ABCA13: variants seen among roughly 807,000 people sequenced by gnomAD.
ABCA13 encodes the protein ATP-binding cassette sub-family A member 13.
ABCA13 carries 476 observed loss-of-function variants against 478.7 expected under a neutral mutation model. That is an observed-to-expected ratio of 0.99 (90% CI 0.92 to 1.07). The LOEUF is 1.07. Among genes scored for constraint, ABCA13 ranks in the 50% least tolerant of loss-of-function variants. The pLI, the probability that ABCA13 is intolerant of heterozygous loss-of-function variation, is 0.00. For synonymous variants in ABCA13, 2,252 were observed against 2,158.9 expected (o/e 1.04, Z -1.20); for missense variants, 6,060 against 5,910.6 (o/e 1.03, Z -0.83).
Position 48,272,592 on chromosome 7 carries a change from T to C in ABCA13, c.2926T>C (p.Leu976=). Residue 976 remains leucine, a synonymous_variant, in exon 17 of 62, where the codon TTG becomes CTG. Transcript: ENST00000435803. ...ATTTTACCGATATATTTATGAATTA[T>C]TGAATATTCAGAGTAGAGGCTCTTC... is the stretch of plus-strand genomic sequence containing the variant. The part of the protein sequence containing the change: ...SSFYRYIYEL[L]NIQSRGSSLT... The C allele has an allele frequency of 6.2e-7, 1 of 1,613,538 alleles. No individual in the cohort carries two copies.
chr7:48,626,701 C>T (rs1427349323), intron 59 of ABCA13: 5 of 985,342 alleles, frequency 5.1e-6, no homozygotes, highest in East Asian at 2.3e-4. Context: ...TAGAACTTTA[C>T]AGCCGGCTGA....
rs925024235 is a variant in ABCA13 at position 48,520,237 on chromosome 7, G to T, written c.13994G>T (p.Gly4665Val). 1.2e-6 allele frequency: 2 copies of T among 1,613,396 alleles called. No homozygotes were observed. Among genetic ancestry groups the T allele is most frequent in the Admixed American group, 1.7e-5 (1 of 59,966 alleles). Residue 4665 changes from glycine to valine, a missense_variant, in exon 53 of 62, where the codon GGC becomes GTC. Physicochemically the swap from Gly to Val is moderately radical, Grantham distance 109. Coordinates refer to ENST00000435803, the MANE Select transcript of ABCA13 (RefSeq NM_152701.5). ...ATCTTCGTGCAACTGGCCTCGCAGG[G>T]CACAGTACTTCTCCTCTTGAGGGTT... ...GWIFVQLASQ[G>V]TVLLLLRVLL...
chr7:48,172,158 G>A (rs1794166799), intron 1 of ABCA13, among the ~76,000 whole-genome samples: 1 of 152,178 alleles, frequency 6.6e-6, no homozygotes. Flanking sequence ...GTACGTTTTT[G>A]TGAAATAGAA....
chr7:48,580,212 TTC>T lies in ABCA13; in HGVS notation c.14355-6_14355-5del, dbSNP rs1167049725. 2 of 1,600,384 alleles carry T rather than the reference TTC, an allele frequency of 1.2e-6. No homozygotes were observed. Among genetic ancestry groups the T allele is most frequent in the East Asian group, 4.5e-5 (2 of 44,614 alleles). ...AACTGCTGTTCTCAGCCTGTGCTGCTTCTCTCTGCAGAGACGCCGTGGACCTG... is the reference window on the plus strand; with the variant it reads ...AACTGCTGTTCTCAGCCTGTGCTGCTTCTCTGCAGAGACGCCGTGGACCTG... On this transcript the variant is annotated splice_polypyrimidine_tract_variant and intron_variant, in intron 55 of 61. Transcript: ENST00000435803.
intron 13 of ABCA13, 54 bp downstream of exon 13, chr7:48,246,084 C>A: frequency 6.5e-7 from 1 of 1,548,396 alleles, no homozygotes; most frequent in South Asian, 1.2e-5. Flanking sequence ...AGATTAAATT[C>A]ACCAAAGATG....
intron 58 of ABCA13, among the ~76,000 whole-genome samples, chr7:48,602,997 A>G (rs1791072799): frequency 6.6e-6 from 1 of 152,070 alleles, no homozygotes; most frequent in Non-Finnish European, 1.5e-5. Flanking sequence ...AGCAATTGTG[A>G]ATGGGAGTTC....
intron 20 of ABCA13, among the ~76,000 whole-genome samples, chr7:48,290,487 C>A (rs1002099010): frequency 2.6e-5 from 4 of 152,196 alleles, no homozygotes; most frequent in African/African-American, 9.7e-5. Context: ...CTCTGCTTAC[C>A]TGGAGCCTGG....
chr7:48,324,398 C>T (rs1465188494), intron 27 of ABCA13, among the ~76,000 whole-genome samples: 1 of 152,158 alleles, frequency 6.6e-6, no homozygotes, highest in African/African-American at 2.4e-5. Context: ...CTTTAAAGAC[C>T]TATTTCCAAA....
At chr7:48,560,226 G>A (rs1279912446) in intron 55 of ABCA13, among the ~76,000 whole-genome samples, 1 of 152,118 alleles carries the variant, frequency 6.6e-6, no homozygotes, top group Non-Finnish European at 1.5e-5. Context: ...TCCAGCTAGG[G>A]CTGGTCCAAA....
In ABCA13 at chr7:48,361,311, C is replaced by A. The variant is rs569873132; in HGVS notation, c.10689-6483C>A. On this transcript the variant is annotated intron_variant, in intron 31 of 61. Coordinates refer to ENST00000435803, the MANE Select transcript of ABCA13 (RefSeq NM_152701.5). Reference sequence around the variant, plus strand: ...GATCCTAGAAGAGAGAAATTAAAGTCAAAAAATGAAACAATTTTCTTCTCT... The same window carrying A: ...GATCCTAGAAGAGAGAAATTAAAGTAAAAAAATGAAACAATTTTCTTCTCT... 3.3e-5 allele frequency among the ~76,000 whole-genome samples: 5 copies of A among 151,584 alleles called. No homozygotes were observed. In the South Asian group the frequency reaches 1.0e-3, roughly 32 times the overall value.
chr7:48,376,654 AC>A, intron 35 of ABCA13, 82 bp downstream of exon 35: 3 of 1,395,154 alleles, frequency 2.2e-6, no homozygotes, highest in Non-Finnish European at 3.0e-6. Flanking sequence ...TAGAATAATC[AC>A]TTATTCTTTA....
chr7:48,418,185 T>A (rs1267736811), intron 41 of ABCA13, among the ~76,000 whole-genome samples: 2 of 152,244 alleles, frequency 1.3e-5, no homozygotes, highest in Non-Finnish European at 2.9e-5. Context: ...GTTTTCAACT[T>A]ACTTGGGTAA....
chr7:48,481,213 G>C, intron 46 of ABCA13, 59 bp downstream of exon 46: 1 of 1,342,264 alleles, frequency 7.5e-7, no homozygotes, highest in South Asian at 1.3e-5. Flanking sequence ...AAAACTTATT[G>C]TTTTAAATGC....
At chr7:48,231,843 G>T (rs1443261838) in intron 7 of ABCA13, among the ~76,000 whole-genome samples, 2 of 152,044 alleles carry the variant, frequency 1.3e-5, no homozygotes, top group East Asian at 3.9e-4. Context: ...TGTATTTTTA[G>T]TAGAGACATG....
chr7:48,629,722 G>A (rs1038221890), intron 59 of ABCA13, among the ~76,000 whole-genome samples: 39 of 152,218 alleles, frequency 2.6e-4, no homozygotes, highest in Admixed American at 1.6e-3. Flanking sequence ...CCTGGGATTG[G>A]TGTCTGGAAT....
chr7:48,571,148 A>G (rs532791849), intron 55 of ABCA13, among the ~76,000 whole-genome samples: 1 of 152,292 alleles, frequency 6.6e-6, no homozygotes, highest in Non-Finnish European at 1.5e-5. Context: ...TTGTGTGCTC[A>G]TCAGCATTGA....
intron 53 of ABCA13, among the ~76,000 whole-genome samples, chr7:48,521,432 A>G (rs958588888): frequency 2.0e-5 from 3 of 152,220 alleles, no homozygotes; most frequent in Non-Finnish European, 4.4e-5. Flanking sequence ...ATTTTGTTAC[A>G]TAACCCCTTT....
chr7:48,388,389 A>T (rs2129052091), intron 36 of ABCA13, among the ~76,000 whole-genome samples: 1 of 152,316 alleles, frequency 6.6e-6, no homozygotes, highest in East Asian at 1.9e-4. Context: ...TGTGAGGGAG[A>T]ATATCACTGT....
At chr7:48,286,223 T>G (rs1473439771) in intron 19 of ABCA13, among the ~76,000 whole-genome samples, 1 of 152,146 alleles carries the variant, frequency 6.6e-6, no homozygotes, top group Non-Finnish European at 1.5e-5. Context: ...TCACTCTTGG[T>G]GTTGTCATTC....
Sources: gnomAD v4.1 joint callset for allele counts (sites outside exome capture counted in the v4.1 genomes callset) on GRCh38, gnomAD v4.1.1 for gene constraint, MANE v1.5 for transcripts, NCBI Gene and HGNC (gene_info 2026-07-23, HGNC 2026-07-21) for gene names.